ARHGAP32: variants seen among roughly 807,000 people sequenced by gnomAD.
The protein encoded by ARHGAP32 is rho GTPase-activating protein 32.
A neutral mutation model predicts 186.5 loss-of-function variants in ARHGAP32; 51 were observed. That is an observed-to-expected ratio of 0.27 (90% CI 0.22 to 0.35). The LOEUF (loss-of-function observed/expected upper bound fraction) is 0.35. ARHGAP32 is among the 10% of genes least tolerant of loss of function. The pLI is 1.00. For missense variants in ARHGAP32, 2,186 were observed against 2,623.5 expected (o/e 0.83, Z 3.64); for synonymous variants, 950 against 964.3 (o/e 0.99, Z 0.27).
chr11:129,020,716 A>C (rs569798216), intron 11 of ARHGAP32, among the ~76,000 whole-genome samples: 2 of 152,172 alleles, frequency 1.3e-5, no homozygotes, highest in East Asian at 3.9e-4. Context: ...CACTTTTTAA[A>C]ATCAGGAATA....
chr11:129,219,829 G>A (rs1944690209), intron 1 of ARHGAP32, among the ~76,000 whole-genome samples: 1 of 151,858 alleles, frequency 6.6e-6, no homozygotes, highest in Admixed American at 6.6e-5. Flanking sequence ...ACATCTGGAG[G>A]TTATTAATAT....
At chr11:129,220,341 T>C (rs1383030681) in intron 1 of ARHGAP32, among the ~76,000 whole-genome samples, 1 of 152,190 alleles carries the variant, frequency 6.6e-6, no homozygotes, top group Non-Finnish European at 1.5e-5. Context: ...ACTAAGAATT[T>C]TTCTAAGTGT....
At chr11:129,071,211 T>A (rs1940856467) in intron 6 of ARHGAP32, among the ~76,000 whole-genome samples, 1 of 151,956 alleles carries the variant, frequency 6.6e-6, no homozygotes, top group Non-Finnish European at 1.5e-5. Flanking sequence ...AATTAGTTAG[T>A]CTTGAATGGG....
intron 1 of ARHGAP32, among the ~76,000 whole-genome samples, chr11:129,253,934 T>C (rs1207048074): frequency 6.6e-6 from 1 of 152,144 alleles, no homozygotes. Context: ...ACCGATATCA[T>C]AGAAAAGTCG....
chr11:129,177,913 T>C (rs1565457882), intron 1 of ARHGAP32, among the ~76,000 whole-genome samples: 1 of 152,132 alleles, frequency 6.6e-6, no homozygotes, highest in African/African-American at 2.4e-5. Flanking sequence ...CTCACTCCTA[T>C]TCAACATAGT....
intron 2 of ARHGAP32, among the ~76,000 whole-genome samples, chr11:129,146,580 T>A (rs531585364): frequency 2.6e-5 from 4 of 152,220 alleles, no homozygotes; most frequent in African/African-American, 9.6e-5. Flanking sequence ...CTTTTAGTAA[T>A]TCAGAAAAAC....
At chr11:129,147,215 A>C (rs1183077634) in intron 2 of ARHGAP32, among the ~76,000 whole-genome samples, 7 of 152,104 alleles carry the variant, frequency 4.6e-5, no homozygotes. Flanking sequence ...ATAAGAATAT[A>C]ATGAGATGTT....
chr11:129,073,572 C>T (rs1052407649), intron 6 of ARHGAP32, among the ~76,000 whole-genome samples: 6 of 151,938 alleles, frequency 3.9e-5, no homozygotes, highest in African/African-American at 1.5e-4. Context: ...AGGAACAGAA[C>T]ATCTAGAAAT....
intron 11 of ARHGAP32, among the ~76,000 whole-genome samples, chr11:129,020,122 CT>C (rs2134885813): frequency 6.6e-6 from 1 of 151,790 alleles, no homozygotes; most frequent in East Asian, 1.9e-4. Flanking sequence ...AGAAACATAC[CT>C]TTAGTTTAGG....
At chr11:129,106,725 A>C (rs776286116) in intron 5 of ARHGAP32, among the ~76,000 whole-genome samples, 1 of 152,200 alleles carries the variant, frequency 6.6e-6, no homozygotes, top group Non-Finnish European at 1.5e-5. Flanking sequence ...GCTCAACAAC[A>C]GATTTGATCA....
chr11:129,053,366 G>A (rs554159399), intron 10 of ARHGAP32, among the ~76,000 whole-genome samples: 4 of 152,058 alleles, frequency 2.6e-5, no homozygotes, highest in South Asian at 4.1e-4. Context: ...GCTATACCAC[G>A]TACTTACTGT....
intron 22 of ARHGAP32, 28 bp from the exon 23 acceptor site, chr11:128,971,187 C>T: frequency 1.3e-6 from 2 of 1,552,046 alleles, no homozygotes; most frequent in Non-Finnish European, 1.8e-6. Context: ...TACTATGGGT[C>T]TATTTTTTGT....
At chr11:129,015,036 A>G (rs1292746489) in intron 11 of ARHGAP32, among the ~76,000 whole-genome samples, 2 of 152,226 alleles carry the variant, frequency 1.3e-5, no homozygotes, top group East Asian at 1.9e-4. Context: ...TTTTCTCTAG[A>G]CAACTATCAA....
intron 1 of ARHGAP32, among the ~76,000 whole-genome samples, chr11:129,250,915 T>A (rs969708190): frequency 6.6e-6 from 1 of 152,324 alleles, no homozygotes; most frequent in East Asian, 1.9e-4. Context: ...AGCACACCCA[T>A]AAGCAGTGTA....
At chr11:129,279,573 C>CCTCCGCCTCCTCCGCTCCGCCTCCTCCG (rs1226439565), upstream of ARHGAP32, among the ~76,000 whole-genome samples, 14 of 146,450 alleles carry the variant, frequency 9.6e-5, no homozygotes, top group Non-Finnish European at 1.5e-4. Context: ...GCCCGCCCAG[C>CCTCCGCCTCCTCCGCTCCGCCTCCTCCG]CTCCGCCTCC....
At chr11:129,138,994 TCAGA>T in intron 2 of ARHGAP32, among the ~76,000 whole-genome samples, 1 of 152,202 alleles carries the variant, frequency 6.6e-6, no homozygotes, top group East Asian at 1.9e-4. Context: ...TATAAAAAGT[TCAGA>T]AACAATGAAG....
intron 11 of ARHGAP32, among the ~76,000 whole-genome samples, chr11:129,002,459 G>T (rs1402277509): frequency 6.6e-6 from 1 of 152,108 alleles, no homozygotes; most frequent in African/African-American, 2.4e-5. Flanking sequence ...CCACTTTACT[G>T]AATTTGTTTT....
intron 1 of ARHGAP32, among the ~76,000 whole-genome samples, chr11:129,206,997 A>G (rs918881059): frequency 6.6e-6 from 1 of 152,060 alleles, no homozygotes; most frequent in Non-Finnish European, 1.5e-5. Context: ...GAGTGAGAAC[A>G]TGTAGTGTTT....
At chr11:128,986,110 A>G (rs1279958258) in intron 14 of ARHGAP32, 25 bp from the exon 15 acceptor site, 1 of 1,540,498 alleles carries the variant, frequency 6.5e-7, no homozygotes. Flanking sequence ...GTACAAAATA[A>G]ACTAGTGAGC....
Sources: allele counts gnomAD v4.1 joint callset (sites outside exome capture counted in the v4.1 genomes callset), GRCh38; gene constraint gnomAD v4.1.1; transcripts MANE v1.5; gene names NCBI Gene and HGNC (gene_info 2026-07-23, HGNC 2026-07-21).